Variants in HNRNPA2B1 observed in about 807,000 individuals in gnomAD.
HNRNPA2B1 encodes heterogeneous nuclear ribonucleoproteins A2/B1.
HNRNPA2B1 carries 3 observed loss-of-function variants against 46.3 expected under a neutral mutation model. That is an observed-to-expected ratio of 0.06 (90% CI 0.03 to 0.17). The LOEUF (loss-of-function observed/expected upper bound fraction) is 0.17, where lower values mean the gene tolerates loss of function less well. Among genes scored for constraint, HNRNPA2B1 ranks in the 10% least tolerant of loss-of-function variants. The pLI is 1.00. For missense variants in HNRNPA2B1, 221 were observed against 418.9 expected, an observed-to-expected ratio of 0.53 and a Z score of 4.12; for synonymous variants, 225 against 133.8, an observed-to-expected ratio of 1.68 and a Z score of -4.70.
At chr7:26,193,824 T>G (rs1783182746) in intron 7 of HNRNPA2B1, 130 bp from the exon 8 acceptor site, 1 of 803,490 alleles carries the variant, frequency 1.2e-6, no homozygotes, top group Non-Finnish European at 2.0e-6. Context: ...TAAAATAGCT[T>G]CAAGGACTGA....
intron 1 of HNRNPA2B1, chr7:26,198,303 A>G (rs1340219912): frequency 1.3e-5 from 2 of 154,014 alleles, no homozygotes; most frequent in Non-Finnish European, 2.9e-5. Flanking sequence ...TTTACAACAA[A>G]CACTAAGTTT....
intron 1 of HNRNPA2B1, chr7:26,198,391 G>A (rs1783919686): frequency 1.3e-5 from 2 of 152,346 alleles, no homozygotes; most frequent in African/African-American, 2.4e-5. Context: ...TTATAACCAG[G>A]ACAAATTAAT....
At position 26,193,273 on chromosome 7, in the gene HNRNPA2B1, G is replaced by A. The variant is rs768561127; in HGVS notation, c.942C>T (p.Asn314=). Reference sequence around the variant, plus strand: ...TACCTCCACCATATGGTCCCCCCATGTTCCTGCTACCACCAAAGTTTCCAC... The same window carrying A: ...TACCTCCACCATATGGTCCCCCCATATTCCTGCTACCACCAAAGTTTCCAC... ...MKSGNFGGSR[N]MGGPYGGGNY... The change falls in exon 9 of 11, where the codon AAC becomes AAT. Residue 314 remains asparagine (N), a synonymous_variant. Coordinates refer to ENST00000618183, the MANE Select transcript of HNRNPA2B1 (RefSeq NM_002137.4). 3 of 1,613,740 alleles carry A rather than the reference G, an allele frequency of 1.9e-6. No homozygotes were observed. The highest frequency in any genetic ancestry group is 1.3e-5 in the African/African-American group (1 of 75,030).
intron 7 of HNRNPA2B1, among the ~76,000 whole-genome samples, chr7:26,194,367 G>A (rs1421780678): frequency 1.3e-5 from 2 of 152,018 alleles, no homozygotes; most frequent in Non-Finnish European, 2.9e-5. Context: ...CTGCACTCCA[G>A]CCTGGGCGAC....
intron 7 of HNRNPA2B1, 134 bp from the exon 8 acceptor site, chr7:26,193,828 G>A (rs1358261608): frequency 1.3e-6 from 1 of 782,952 alleles, no homozygotes; most frequent in Non-Finnish European, 2.0e-6. Context: ...ATAGCTTCAA[G>A]GACTGAATAA....
At chr7:26,193,506 C>T in intron 8 of HNRNPA2B1, 69 bp downstream of exon 8, 1 of 1,546,810 alleles carries the variant, frequency 6.5e-7, no homozygotes, top group South Asian at 1.2e-5. Context: ...AACATGGAAA[C>T]AAAAGATCAA....
In HNRNPA2B1 at chr7:26,197,296, ACAGT is replaced by A. The variant is rs754545793; in HGVS notation, c.264+15_264+18del. On this transcript the variant is annotated intron_variant, in intron 3 of 10. Transcript: ENST00000618183. ...AGCGTTCTTCATGTTAATGCACAAG[ACAGT>A]CATTGTTTGCTTACCTCTCTTGCTA... 6.3e-6 allele frequency: 10 copies of A among 1,595,268 alleles called. No homozygotes were observed. The East Asian group carries it at 2.0e-4, about 32-fold the overall frequency.
chr7:26,197,059 A>T, intron 3 of HNRNPA2B1, 42 bp from the exon 4 acceptor site: 4 of 1,490,912 alleles, frequency 2.7e-6, no homozygotes, highest in Non-Finnish European at 3.7e-6. Flanking sequence ...ACAGAAAAAA[A>T]CACAAGCATA....
intron 1 of HNRNPA2B1, chr7:26,199,749 C>G (rs1784141496): frequency 6.6e-6 from 1 of 151,924 alleles, no homozygotes; most frequent in Non-Finnish European, 1.5e-5. Context: ...AAAACCGTTA[C>G]TCAAAGGAAA....
intron 6 of HNRNPA2B1, 121 bp downstream of exon 6, chr7:26,196,276 ACAAT>A (rs1783624784): frequency 1.3e-6 from 1 of 748,932 alleles, no homozygotes; most frequent in African/African-American, 1.8e-5. Context: ...TTGCCAGGAT[ACAAT>A]CTATTTGAAG....
At position 26,193,391 on chromosome 7, in the gene HNRNPA2B1, T is replaced by C. The variant is rs1339333184; in HGVS notation, c.842-18A>G. On this transcript the variant is annotated intron_variant, in intron 8 of 10. Coordinates refer to ENST00000618183, the MANE Select transcript of HNRNPA2B1 (RefSeq NM_002137.4). ...ATAATTTCCTATTAAAAAATTGGAA[T>C]ACTCAGAACAATACAAACATTAAAC... 1 of 1,607,356 alleles carries C rather than the reference T, an allele frequency of 6.2e-7. No individual in the cohort carries two copies. Among genetic ancestry groups the C allele is most frequent in the East Asian group, 2.2e-5 (1 of 44,840 alleles).
At position 26,197,985 on chromosome 7, in the gene HNRNPA2B1, T is replaced by C. The variant is rs1015701423; in HGVS notation, c.7-253A>G. 9.2e-6 allele frequency: 5 copies of C among 543,886 alleles called. No homozygotes were observed. The African/African-American group carries it at 9.8e-5, about 11-fold the overall frequency. The allele number at this position is 543,886 out of a possible 1,614,324, so 33.7% of individuals were successfully genotyped here. On this transcript the variant is annotated intron_variant, in intron 1 of 10. Coordinates refer to ENST00000618183, the MANE Select transcript of HNRNPA2B1 (RefSeq NM_002137.4). ...CACAAGTTTCAAAGTCATTAATGCTTGATATAAATTTACTCAACATTAAAT... is the reference window on the plus strand; with the variant it reads ...CACAAGTTTCAAAGTCATTAATGCTCGATATAAATTTACTCAACATTAAAT...
Position 26,200,722 on chromosome 7 carries a change from C to T in HNRNPA2B1, c.-145G>A, listed in dbSNP as rs1784342527. 3 of 1,020,398 alleles carry T rather than the reference C, an allele frequency of 2.9e-6. No individual in the cohort carries two copies. Among genetic ancestry groups the T allele is most frequent in the South Asian group, 2.5e-5 (2 of 78,586 alleles). 63.2% of individuals were successfully genotyped at this position (1,020,398 alleles called of 1,614,324 possible). On this transcript the variant is annotated 5_prime_UTR_variant, in exon 1 of 11. Transcript: ENST00000618183. ...AACAACTCTGCGAGGAGCACCTCCG[C>T]ACGGGACCCGGCGCTGCTGCTACTG...
chr7:26,200,287 C>T, intron 1 of HNRNPA2B1: 1 of 497,508 alleles, frequency 2.0e-6, no homozygotes, highest in Non-Finnish European at 3.6e-6. Context: ...GAATTCCCGC[C>T]TCCGCGCCCC....
At chr7:26,194,320 C>G (rs950797516) in intron 7 of HNRNPA2B1, among the ~76,000 whole-genome samples, 1 of 151,738 alleles carries the variant, frequency 6.6e-6, no homozygotes, top group African/African-American at 2.4e-5. Context: ...GGCGTGAACC[C>G]GGGAGGCAGA....
At chr7:26,196,065 T>A (rs1352118193) in intron 6 of HNRNPA2B1, among the ~76,000 whole-genome samples, 156 bp from the exon 7 acceptor site, 1 of 152,254 alleles carries the variant, frequency 6.6e-6, no homozygotes, top group Non-Finnish European at 1.5e-5. Flanking sequence ...CATGAAAGCA[T>A]ATAATTAAAT....
Position 26,191,366 on chromosome 7 carries a change from ATTAG to A in HNRNPA2B1, c.*990_*993del, listed in dbSNP as rs1290276241. 6.6e-6 allele frequency: 1 copy of A among 152,318 alleles called. No homozygotes were observed. The highest frequency in any genetic ancestry group is 1.5e-5 in the Non-Finnish European group (1 of 68,006). The allele number at this position is 152,318 out of a possible 1,614,324, so 9.4% of individuals were successfully genotyped here. ...CTATACTGAAAGACCATTTAAGAGT[ATTAG>A]TTTATCTTTTAGGGAGGAAAATTAA... On this transcript the variant is annotated 3_prime_UTR_variant, in exon 11 of 11. Coordinates refer to ENST00000618183, the MANE Select transcript of HNRNPA2B1 (RefSeq NM_002137.4).
chr7:26,200,343 T>TC (rs982434682), intron 1 of HNRNPA2B1: 2 of 592,152 alleles, frequency 3.4e-6, no homozygotes, highest in Non-Finnish European at 6.1e-6. Flanking sequence ...AAGCTCCCCA[T>TC]CCCCCACCCC....
chr7:26,191,548 T>G lies in HNRNPA2B1; in HGVS notation c.*812A>C, dbSNP rs1247170348. The stretch of plus-strand genomic sequence containing the variant: ...ACAGTTTTTTAAGACTGGCTGAACT[T>G]AGTAGCCGTCAAGAGTTCTCTTGTA... On this transcript the variant is annotated 3_prime_UTR_variant, in exon 11 of 11. Transcript: ENST00000618183. 1.3e-5 allele frequency: 2 copies of G among 152,220 alleles called. No homozygotes were observed. The highest frequency in any genetic ancestry group is 2.9e-5 in the Non-Finnish European group (2 of 68,030). The allele number at this position is 152,220 out of a possible 1,614,324, so 9.4% of individuals were successfully genotyped here.
Sources: gnomAD v4.1 joint callset for allele counts (sites outside exome capture counted in the v4.1 genomes callset) on GRCh38, gnomAD v4.1.1 for gene constraint, MANE v1.5 for transcripts, NCBI Gene and HGNC (gene_info 2026-07-23, HGNC 2026-07-21) for gene names.